HSPA12A: variants seen among roughly 807,000 people sequenced by gnomAD.
HSPA12A encodes heat shock 70 kDa protein 12A.
Under a neutral mutation model 69.2 loss-of-function variants are expected in HSPA12A, and 28 were observed. The observed-to-expected ratio is 0.40, with a 90% CI of 0.30 to 0.55. HSPA12A has a LOEUF of 0.55. HSPA12A is among the 20% of genes least tolerant of loss of function. The pLI, the probability that HSPA12A is intolerant of heterozygous loss-of-function variation, is 0.38. For missense variants in HSPA12A, 686 were observed against 900.7 expected (o/e 0.76, Z 3.05); for synonymous variants, 345 against 370.5 (o/e 0.93, Z 0.79).
At chr10:116,700,539 C>T (rs548009301) in intron 4 of HSPA12A, among the ~76,000 whole-genome samples, 2 of 152,228 alleles carry the variant, frequency 1.3e-5, no homozygotes, top group South Asian at 2.1e-4. Flanking sequence ...GCCCTGAGCT[C>T]GCCATGTGTC....
chr10:116,757,030 A>G (rs184952584), intron 2 of HSPA12A, among the ~76,000 whole-genome samples: 1 of 152,304 alleles, frequency 6.6e-6, no homozygotes, highest in African/African-American at 2.4e-5. Flanking sequence ...ATAGTATTAT[A>G]TTCACGTTAA....
chr10:116,823,647 G>A (rs1367173563), intron 2 of HSPA12A, among the ~76,000 whole-genome samples: 1 of 152,096 alleles, frequency 6.6e-6, no homozygotes, highest in Non-Finnish European at 1.5e-5. Flanking sequence ...AATTTAGTGG[G>A]GAAATAATAG....
At chr10:116,801,172 G>T (rs1329316357) in intron 2 of HSPA12A, among the ~76,000 whole-genome samples, 2 of 152,172 alleles carry the variant, frequency 1.3e-5, no homozygotes, top group Non-Finnish European at 2.9e-5. Context: ...CTTTCATCCA[G>T]AACAAACATG....
At chr10:116,833,105 C>A (rs1258665813) in intron 2 of HSPA12A, 1 of 152,192 alleles carries the variant, frequency 6.6e-6, no homozygotes, top group Non-Finnish European at 1.5e-5. Context: ...TTCCAGTTCA[C>A]TTTTTCCCTT....
rs548799269 is a variant in HSPA12A at position 116,683,852 on chromosome 10, G to A, written c.774C>T (p.Ser258=). The stretch of plus-strand genomic sequence containing the variant: ...TGTACCCATTGACGGCTGCCTTGCT[G>A]CTCAGCTCAATCATCTGGTGTAGCC... The part of the protein sequence containing the change: ...KLRLHQMIEL[S]SKAAVNGYSG... The change falls in exon 7 of 12, where the codon AGC becomes AGT. Residue 258 remains serine (S), a synonymous_variant. Coordinates refer to ENST00000369209, the MANE Select transcript of HSPA12A (RefSeq NM_025015.3). 7.8e-5 allele frequency: 125 copies of A among 1,597,976 alleles called. 3 individuals carry two copies. In the South Asian group the frequency reaches 1.4e-3, roughly 17 times the overall value.
intron 1 of HSPA12A, among the ~76,000 whole-genome samples, chr10:116,734,074 T>C (rs1404473924): frequency 6.6e-6 from 1 of 152,056 alleles, no homozygotes; most frequent in Non-Finnish European, 1.5e-5. Flanking sequence ...CCAAAAACAG[T>C]AACGGAGCAC....
At chr10:116,761,804 G>C (rs1843979161) in intron 2 of HSPA12A, among the ~76,000 whole-genome samples, 1 of 152,052 alleles carries the variant, frequency 6.6e-6, no homozygotes, top group South Asian at 2.1e-4. Flanking sequence ...AGAGATGCTA[G>C]AGGTGGCTAT....
chr10:116,764,716 T>C (rs1226653240), intron 2 of HSPA12A, among the ~76,000 whole-genome samples: 1 of 152,112 alleles, frequency 6.6e-6, no homozygotes, highest in Non-Finnish European at 1.5e-5. Context: ...TACCCGAAAA[T>C]CAATTTAAAT....
intron 2 of HSPA12A, among the ~76,000 whole-genome samples, chr10:116,794,360 T>G (rs1268008802): frequency 6.6e-6 from 1 of 152,044 alleles, no homozygotes; most frequent in Non-Finnish European, 1.5e-5. Flanking sequence ...AGGTTGGAAG[T>G]AAGAGTGGGA....
rs184173862 is a variant in HSPA12A, at chr10:116,798,034, T to C, written c.91+36901A>G. 5.0e-5 allele frequency among the ~76,000 whole-genome samples: 7 copies of C among 140,310 alleles called. 1 individual carries two copies. The East Asian group carries it at 1.1e-3, about 21-fold the overall frequency. 92.0% of individuals were successfully genotyped at this position (140,310 alleles called of 152,430 possible). On this transcript the variant is annotated intron_variant, in intron 2 of 12. Transcript: ENST00000635765. ...TGAGTTTCAATGTAAGAGAAGCTCTTACAAGAACTATTTCTGGAGAGAGGC... is the reference window on the plus strand; with the variant it reads ...TGAGTTTCAATGTAAGAGAAGCTCTCACAAGAACTATTTCTGGAGAGAGGC...
At chr10:116,759,699 A>C (rs1426332252) in intron 2 of HSPA12A, among the ~76,000 whole-genome samples, 1 of 152,144 alleles carries the variant, frequency 6.6e-6, no homozygotes, top group African/African-American at 2.4e-5. Context: ...GGTGGAATTC[A>C]GTGGTTTCTG....
At chr10:116,692,171 G>A (rs1849754906) in intron 6 of HSPA12A, among the ~76,000 whole-genome samples, 180 bp downstream of exon 6, 1 of 152,188 alleles carries the variant, frequency 6.6e-6, no homozygotes, top group South Asian at 2.1e-4. Context: ...CCCCCAGGAG[G>A]AAGCTGAGGA....
Position 116,691,754 on chromosome 10 carries a change from C to T in HSPA12A, c.663+597G>A, listed in dbSNP as rs536866926. Reference sequence around the variant, plus strand: ...GCCACTGGCACTGGAGCATCTGTCTCCCTGGCCAACAAGCGCCTGTGCCTG... The same window carrying T: ...GCCACTGGCACTGGAGCATCTGTCTTCCTGGCCAACAAGCGCCTGTGCCTG... On this transcript the variant is annotated intron_variant, in intron 6 of 11. Transcript: ENST00000369209. Among the ~76,000 whole-genome samples, 7 of 152,356 alleles carry T rather than the reference C, an allele frequency of 4.6e-5. No individual in the cohort carries two copies. The South Asian group carries it at 1.4e-3, about 32-fold the overall frequency.
intron 9 of HSPA12A, among the ~76,000 whole-genome samples, chr10:116,680,508 G>T (rs1186315916): frequency 6.6e-6 from 1 of 151,786 alleles, no homozygotes; most frequent in Non-Finnish European, 1.5e-5. Flanking sequence ...ATCTTTTTTT[G>T]AGAGTCTCGC....
intron 1 of HSPA12A, among the ~76,000 whole-genome samples, chr10:116,842,561 G>C (rs1845818286): frequency 6.6e-6 from 1 of 152,158 alleles, no homozygotes; most frequent in Non-Finnish European, 1.5e-5. Context: ...CTTCTATAAA[G>C]TTAAAAAATT....
At chr10:116,699,943 T>A (rs1351014659) in intron 4 of HSPA12A, among the ~76,000 whole-genome samples, 1 of 152,254 alleles carries the variant, frequency 6.6e-6, no homozygotes, top group Non-Finnish European at 1.5e-5. Context: ...TGCTTTGTCA[T>A]CTGCAAGTGC....
At chr10:116,783,110 A>T (rs776199222) in intron 2 of HSPA12A, among the ~76,000 whole-genome samples, 1 of 152,214 alleles carries the variant, frequency 6.6e-6, no homozygotes, top group African/African-American at 2.4e-5. Flanking sequence ...CGTCCAGCGC[A>T]CAGATGGGCA....
At chr10:116,726,878 A>G (rs530097677) in intron 1 of HSPA12A, among the ~76,000 whole-genome samples, 1 of 152,320 alleles carries the variant, frequency 6.6e-6, no homozygotes, top group African/African-American at 2.4e-5. Context: ...TCTAAGTCAC[A>G]CTAACTAACG....
Position 116,710,585 on chromosome 10 carries a change from T to G in HSPA12A, c.41-3300A>C, listed in dbSNP as rs1228843270. Among the ~76,000 whole-genome samples the G allele has an allele frequency of 6.6e-6, 1 of 152,180 alleles. No individual in the cohort carries two copies. The highest frequency in any genetic ancestry group is 1.5e-5 in the Non-Finnish European group (1 of 68,038). ...ACTGGGCCAATATTAAACAAATCAT[T>G]TGACTTGCTGATCACTCAGCCAGGC... On this transcript the variant is annotated intron_variant, in intron 1 of 11. Transcript: ENST00000369209. This position sits in a 1 kb window ranked among gnomAD's most constrained non-coding sequence, Gnocchi z 4.1.
Sources: allele counts gnomAD v4.1 joint callset (sites outside exome capture counted in the v4.1 genomes callset), GRCh38; gene constraint gnomAD v4.1.1; non-coding constraint Gnocchi (gnomAD v3.1); transcripts MANE v1.5; gene names NCBI Gene and HGNC (gene_info 2026-07-23, HGNC 2026-07-21).